Variants in SEZ6L observed in about 807,000 individuals in gnomAD.
SEZ6L encodes seizure 6-like protein.
A neutral mutation model predicts 106.2 loss-of-function variants in SEZ6L; 37 were observed. The ratio of observed to expected loss-of-function variants is 0.35; its 90% CI spans 0.27 to 0.46. The LOEUF (loss-of-function observed/expected upper bound fraction) is 0.46. SEZ6L is among the 20% of genes least tolerant of loss of function. The pLI is 1.00. For missense variants in SEZ6L, 1,172 were observed against 1,332.8 expected (o/e 0.88, Z 1.88); for synonymous variants, 541 against 570.4 (o/e 0.95, Z 0.73).
chr22:26,298,992 C>T lies in SEZ6L; in HGVS notation c.1171C>T (p.Leu391=). The T allele has an allele frequency of 6.3e-7, 1 of 1,577,266 alleles. No individual in the cohort carries two copies. The highest frequency in any genetic ancestry group is 2.3e-5 in the East Asian group (1 of 42,730). The change falls in exon 5 of 17, where the codon CTG becomes TTG. Residue 391 remains leucine, a synonymous_variant. Transcript: ENST00000248933. The stretch of plus-strand genomic sequence containing the variant: ...TCTGCATTTCTTCCCAGCCTTCATG[C>T]TGAGCTGCAACTTTCCCCGCCGGCC... ...TFQLHYQAFM[L]SCNFPRRPDS... is the part of the protein sequence containing the mutation.
In SEZ6L at chr22:26,347,874, G is replaced by C; in HGVS notation, c.2368G>C (p.Asp790His). ...GAGTGACACCCTCACCTGCCAGTGG[G>C]ACCTCAGCTGGAGCAGCGACCCCCC... is the stretch of plus-strand genomic sequence containing the variant. The part of the protein sequence containing the change: ...VGSDTLTCQW[D>H]LSWSSDPPFC... Residue 790 changes from aspartate (D) to histidine (H), a missense_variant, in exon 11 of 17, where the codon GAC (aspartate) becomes CAC (histidine). Asp to His is a moderately conservative substitution (Grantham distance 81, BLOSUM62 -1). Transcript: ENST00000248933. The C allele has an allele frequency of 6.3e-7, 1 of 1,586,774 alleles. No individual in the cohort carries two copies. Among genetic ancestry groups the C allele is most frequent in the East Asian group, 2.3e-5 (1 of 43,366 alleles).
At chr22:26,367,113 G>A (rs1296290449) in intron 13 of SEZ6L, among the ~76,000 whole-genome samples, 8 of 152,054 alleles carry the variant, frequency 5.3e-5, no homozygotes, top group Non-Finnish European at 1.2e-4. Flanking sequence ...CGTCCATAAC[G>A]AACTAAAGTC....
intron 1 of SEZ6L, among the ~76,000 whole-genome samples, chr22:26,234,913 G>A (rs538776954): frequency 5.9e-5 from 9 of 152,330 alleles, no homozygotes; most frequent in African/African-American, 2.2e-4. Flanking sequence ...AGTCTTGACA[G>A]ATTAGTAGGA....
At chr22:26,204,823 T>A (rs1941195101) in intron 1 of SEZ6L, among the ~76,000 whole-genome samples, 1 of 152,216 alleles carries the variant, frequency 6.6e-6, no homozygotes, top group South Asian at 2.1e-4. Context: ...ATGAGCTGGA[T>A]CCATTTTCTG....
chr22:26,340,639 G>A lies in SEZ6L; in HGVS notation c.2212+7G>A. The A allele has an allele frequency of 6.3e-7, 1 of 1,596,452 alleles. No individual in the cohort carries two copies. Among genetic ancestry groups the A allele is most frequent in the Non-Finnish European group, 8.5e-7 (1 of 1,171,418 alleles). Reference sequence around the variant, plus strand: ...TTTATCATGAACTACATAGGTAGGTGTCTCATCTGGTCAATTTATTTTTTC... The same window carrying A: ...TTTATCATGAACTACATAGGTAGGTATCTCATCTGGTCAATTTATTTTTTC... On this transcript the variant is annotated splice_region_variant and intron_variant, in intron 10 of 16. Coordinates refer to ENST00000248933, the MANE Select transcript of SEZ6L (RefSeq NM_021115.5).
At chr22:26,200,647 G>A (rs1280464190) in intron 1 of SEZ6L, among the ~76,000 whole-genome samples, 1 of 152,220 alleles carries the variant, frequency 6.6e-6, no homozygotes, top group Admixed American at 6.5e-5. Context: ...GACTTGGAAA[G>A]CCAGCTTGGC....
At chr22:26,273,043 T>G (rs540892988) in intron 1 of SEZ6L, among the ~76,000 whole-genome samples, 32 of 152,354 alleles carry the variant, frequency 2.1e-4, no homozygotes, top group African/African-American at 7.2e-4. Context: ...TAGCCATGGT[T>G]GTCATTATGA....
At chr22:26,258,049 C>T (rs1027981120) in intron 1 of SEZ6L, among the ~76,000 whole-genome samples, 4 of 152,140 alleles carry the variant, frequency 2.6e-5, no homozygotes, top group Non-Finnish European at 2.9e-5. Flanking sequence ...AGAGGACTTC[C>T]GGAATGAGTC....
At chr22:26,281,326 C>G (rs1412023867) in intron 1 of SEZ6L, among the ~76,000 whole-genome samples, 1 of 152,060 alleles carries the variant, frequency 6.6e-6, no homozygotes, top group African/African-American at 2.4e-5. Flanking sequence ...GAATTCTCAG[C>G]CTCCAGAATT....
Position 26,208,850 on chromosome 22 carries a change from CTGTGTGTGTGTGTG to C in SEZ6L, c.94+39129_94+39142del, listed in dbSNP as rs35483380. On this transcript the variant is annotated intron_variant, in intron 1 of 16. Coordinates refer to ENST00000248933, the MANE Select transcript of SEZ6L (RefSeq NM_021115.5). ...TTTTTTCTACTTCTTGACTCTCTCT[CTGTGTGTGTGTGTG>C]TGTGTGTGTGTGTGTGTGTGTGTGT... 7.6e-3 allele frequency among the ~76,000 whole-genome samples: 850 copies of C among 111,802 alleles called. 8 individuals are homozygous for C. The highest frequency in any genetic ancestry group is 0.051 in the East Asian group (194 of 3,800). The allele number at this position is 111,802 out of a possible 152,430, so 73.3% of individuals were successfully genotyped here.
At position 26,267,707 on chromosome 22, in the gene SEZ6L, G is replaced by A. The variant is rs370385166; in HGVS notation, c.95-24699G>A. Among the ~76,000 whole-genome samples, 24 of 152,138 alleles carry A rather than the reference G, an allele frequency of 1.6e-4. 1 individual carries two copies. The highest frequency in any genetic ancestry group is 9.2e-4 in the Admixed American group (14 of 15,270). On this transcript the variant is annotated intron_variant, in intron 1 of 16. Coordinates refer to ENST00000248933, the MANE Select transcript of SEZ6L (RefSeq NM_021115.5). ...GCACTTCGAACTTAATTTTTGAGGC[G>A]TATTTCTCAATAACCCACAGAATAG... is the stretch of plus-strand genomic sequence containing the variant.
intron 10 of SEZ6L, among the ~76,000 whole-genome samples, chr22:26,346,111 T>G (rs1411834733): frequency 1.3e-5 from 2 of 152,102 alleles, no homozygotes; most frequent in Non-Finnish European, 2.9e-5. Flanking sequence ...CGCTGCAGTC[T>G]CGAACTCCCA....
rs780374550 is a variant in SEZ6L at position 26,340,473 on chromosome 22, G to A, written c.2053G>A (p.Asp685Asn). The change falls in exon 10 of 17, where the codon GAT (aspartate) becomes AAT (asparagine). Residue 685 changes from aspartate to asparagine, a missense_variant. Physicochemically the swap from Asp to Asn is conservative, Grantham distance 23. Coordinates refer to ENST00000248933, the MANE Select transcript of SEZ6L (RefSeq NM_021115.5). ...CAACAGTGACATCTTGACCATCTAC[G>A]ATGGCGACGAGGTCATGCCCCACAT... ...LSNSDILTIY[D>N]GDEVMPHILG... 1.1e-5 allele frequency: 17 copies of A among 1,613,884 alleles called. No homozygotes were observed. Among genetic ancestry groups the A allele is most frequent in the Non-Finnish European group, 1.3e-5 (15 of 1,179,932 alleles).
At position 26,383,284 on chromosome 22, in the gene SEZ6L, T is replaced by A. The variant is rs2146100566; in HGVS notation, c.*2989T>A. 6.6e-6 allele frequency: 1 copy of A among 152,172 alleles called. No homozygotes were observed. Among genetic ancestry groups the A allele is most frequent in the East Asian group, 1.9e-4 (1 of 5,154 alleles). The allele number at this position is 152,172 out of a possible 1,614,324, so 9.4% of individuals were successfully genotyped here. A position where few individuals can be genotyped will look rare whatever the true frequency, so the allele number is the denominator to read the frequency against. On this transcript the variant is annotated 3_prime_UTR_variant, in exon 17 of 17. Transcript: ENST00000248933. ...CATCTGCATAATCAGGAGGGTTGTATAACAAGTAGTGATTTGGCAAATATG... is the reference window on the plus strand; with the variant it reads ...CATCTGCATAATCAGGAGGGTTGTAAAACAAGTAGTGATTTGGCAAATATG...
At chr22:26,341,110 C>T (rs1248426036) in intron 10 of SEZ6L, among the ~76,000 whole-genome samples, 1 of 152,148 alleles carries the variant, frequency 6.6e-6, no homozygotes, top group Non-Finnish European at 1.5e-5. Context: ...AAGCTCAGCT[C>T]TCCTCTAAGG....
intron 9 of SEZ6L, among the ~76,000 whole-genome samples, chr22:26,338,730 C>A (rs1394770554): frequency 6.6e-6 from 1 of 151,800 alleles, no homozygotes; most frequent in African/African-American, 2.4e-5. Flanking sequence ...CAGCTAATTT[C>A]TTTTTTTAGT....
intron 14 of SEZ6L, among the ~76,000 whole-genome samples, chr22:26,375,300 G>C (rs534051885): frequency 6.6e-6 from 1 of 152,258 alleles, no homozygotes; most frequent in Non-Finnish European, 1.5e-5. Flanking sequence ...TTTAACTGTA[G>C]CTCCCAAAAA....
chr22:26,346,024 T>TG (rs1445074389), intron 10 of SEZ6L, among the ~76,000 whole-genome samples: 2 of 140,748 alleles, frequency 1.4e-5, no homozygotes, highest in Admixed American at 7.0e-5. Context: ...CTGTTCAAAT[T>TG]GTTTTTTTTT....
intron 12 of SEZ6L, among the ~76,000 whole-genome samples, chr22:26,360,161 C>G (rs140126564): frequency 6.6e-6 from 1 of 152,300 alleles, no homozygotes; most frequent in East Asian, 1.9e-4. Flanking sequence ...AAAGAATACT[C>G]TGGGTGACTA....
Sources: gnomAD v4.1 joint callset for allele counts (sites outside exome capture counted in the v4.1 genomes callset) on GRCh38, gnomAD v4.1.1 for gene constraint, MANE v1.5 for transcripts, NCBI Gene and HGNC (gene_info 2026-07-23, HGNC 2026-07-21) for gene names.